RAB38: variants seen among roughly 807,000 people sequenced by gnomAD.
RAB38 encodes the protein RAB38, member RAS oncogene family.
RAB38 carries 15 observed loss-of-function variants against 18.4 expected under a neutral mutation model. That is an observed-to-expected ratio of 0.82 (90% confidence interval 0.55 to 1.26). The LOEUF (loss-of-function observed/expected upper bound fraction) is 1.26. Ranked by LOEUF, RAB38 falls within the 50% of genes most tolerant of loss-of-function variation. The pLI is 0.00. For missense variants in RAB38, 294 were observed against 267.4 expected, an observed-to-expected ratio of 1.10 and a Z score of -0.69; for synonymous variants, 101 against 104.4, an observed-to-expected ratio of 0.97 and a Z score of 0.20.
At chr11:88,107,592 TG>T in the RAB38 span, among the ~76,000 whole-genome samples, 11,210 of 152,046 alleles carry the variant, frequency 0.074, 708 homozygotes, top group African/African-American at 0.17. Flanking sequence ...TTCATTCGTT[TG>T]AAGGGGTTTT....
chr11:87,891,818 A>C, the RAB38 span, among the ~76,000 whole-genome samples: 196 of 151,938 alleles, frequency 1.3e-3, 1 homozygote, highest in African/African-American at 4.4e-3. Context: ...AGGAGCTTTG[A>C]ATGTAGGTGA....
chr11:88,017,638 A>G, the RAB38 span, among the ~76,000 whole-genome samples: 1 of 149,602 alleles, frequency 6.7e-6, no homozygotes, highest in African/African-American at 2.4e-5. Flanking sequence ...CCCTGCTTTC[A>G]ACAGCCTTGG....
chr11:88,066,628 A>G, the RAB38 span, among the ~76,000 whole-genome samples: 1 of 152,158 alleles, frequency 6.6e-6, no homozygotes, highest in African/African-American at 2.4e-5. Context: ...GCCATGCACT[A>G]AAATATATCT....
the RAB38 span, among the ~76,000 whole-genome samples, chr11:88,093,317 C>T: frequency 6.6e-6 from 1 of 151,740 alleles, no homozygotes; most frequent in Non-Finnish European, 1.5e-5. Context: ...TCAGAACAGG[C>T]AAATCCATAG....
the RAB38 span, among the ~76,000 whole-genome samples, chr11:88,044,403 C>G: frequency 6.6e-6 from 1 of 152,130 alleles, no homozygotes; most frequent in Non-Finnish European, 1.5e-5. Flanking sequence ...GCCTCCTTCA[C>G]TATGGGCAGC....
the RAB38 span, among the ~76,000 whole-genome samples, chr11:87,902,472 C>G: frequency 2.0e-5 from 3 of 151,316 alleles, no homozygotes; most frequent in Admixed American, 6.6e-5. Flanking sequence ...CTTATTTTGT[C>G]AGTACTGTTT....
chr11:88,026,311 C>G, the RAB38 span, among the ~76,000 whole-genome samples: 1 of 151,420 alleles, frequency 6.6e-6, no homozygotes, highest in African/African-American at 2.4e-5. Flanking sequence ...CACCTGTAAT[C>G]CCAGCACTTT....
the RAB38 span, among the ~76,000 whole-genome samples, chr11:87,811,157 C>T: frequency 6.6e-6 from 1 of 152,148 alleles, no homozygotes; most frequent in South Asian, 2.1e-4. Flanking sequence ...GCACACGCAG[C>T]GTGTCTACGA....
chr11:87,933,632 G>C, the RAB38 span, among the ~76,000 whole-genome samples: 1 of 151,866 alleles, frequency 6.6e-6, no homozygotes, highest in Non-Finnish European at 1.5e-5. Flanking sequence ...ACAGCCAAGA[G>C]GTGGATAACA....
intron 2 of RAB38, among the ~76,000 whole-genome samples, chr11:88,121,798 G>A (rs1406119765): frequency 6.6e-6 from 1 of 152,072 alleles, no homozygotes; most frequent in Admixed American, 6.6e-5. Flanking sequence ...TCCTGACCTC[G>A]GGATCTGCTC....
chr11:87,929,114 C>CA, the RAB38 span, among the ~76,000 whole-genome samples: 108 of 151,232 alleles, frequency 7.1e-4, 1 homozygote, highest in African/African-American at 1.8e-3. Context: ...GACTCTGTCT[C>CA]AAAAAAAACA....
At chr11:88,106,227 T>C in the RAB38 span, among the ~76,000 whole-genome samples, 1 of 152,138 alleles carries the variant, frequency 6.6e-6, no homozygotes, top group African/African-American at 2.4e-5. Flanking sequence ...ACTATGCATT[T>C]TGCTAGAGAT....
the RAB38 span, among the ~76,000 whole-genome samples, chr11:87,812,982 A>G: frequency 1.1e-3 from 160 of 152,294 alleles, no homozygotes; most frequent in Middle Eastern, 6.8e-3. Flanking sequence ...GAATAGTGTT[A>G]TTTTACAGCA....
intron 2 of RAB38, among the ~76,000 whole-genome samples, chr11:88,125,422 G>A (rs1286595831): frequency 6.6e-6 from 1 of 152,132 alleles, no homozygotes; most frequent in African/African-American, 2.4e-5. Flanking sequence ...GTATTTAGCT[G>A]CTAACATCTA....
chr11:88,065,630 G>T, the RAB38 span, among the ~76,000 whole-genome samples: 1 of 152,172 alleles, frequency 6.6e-6, no homozygotes, highest in Non-Finnish European at 1.5e-5. Context: ...ATTATGGGAC[G>T]TATGTCCTCG....
chr11:87,931,929 A>G, the RAB38 span, among the ~76,000 whole-genome samples: 1 of 150,736 alleles, frequency 6.6e-6, no homozygotes, highest in Admixed American at 6.6e-5. Flanking sequence ...TATTTGGACA[A>G]TGCACAGGAG....
chr11:87,936,492 T>C, the RAB38 span, among the ~76,000 whole-genome samples: 14 of 152,112 alleles, frequency 9.2e-5, no homozygotes, highest in African/African-American at 2.7e-4. Flanking sequence ...TTCTGTTCCA[T>C]TGATTTATGT....
the RAB38 span, chr11:88,097,829 T>A: frequency 6.6e-6 from 1 of 151,992 alleles, no homozygotes; most frequent in African/African-American, 2.4e-5. Context: ...AACAGAGGTC[T>A]TAATTCATTA....
chr11:87,877,768 G>A, the RAB38 span, among the ~76,000 whole-genome samples: 1 of 151,362 alleles, frequency 6.6e-6, no homozygotes, highest in African/African-American at 2.4e-5. Flanking sequence ...GGTTACTAAA[G>A]CAGTATCATT....
Sources: allele counts gnomAD v4.1 joint callset (sites outside exome capture counted in the v4.1 genomes callset), GRCh38; gene constraint gnomAD v4.1.1; transcripts MANE v1.5; gene names NCBI Gene and HGNC (gene_info 2026-07-23, HGNC 2026-07-21).